The following CR1L variants were observed in gnomAD, a reference collection of about 807,000 sequenced individuals.
The protein encoded by CR1L is complement component receptor 1-like protein.
Under a neutral mutation model 62.3 loss-of-function variants are expected in CR1L, and 59 were observed. That is an observed-to-expected ratio of 0.95 (90% CI 0.77 to 1.18). The LOEUF is 1.18. CR1L is among the 50% of genes most tolerant of loss of function. The probability of loss-of-function intolerance (pLI) is 0.00; values close to 1 mark genes in which losing one functional copy is unlikely to be tolerated. For missense variants in CR1L, 700 were observed against 702.8 expected (o/e 1.00, Z 0.04); for synonymous variants, 279 against 248.7 (o/e 1.12, Z -1.15).
chr1:207,698,390 T>C (rs574808657), intron 7 of CR1L, among the ~76,000 whole-genome samples: 1 of 152,350 alleles, frequency 6.6e-6, no homozygotes, highest in Admixed American at 6.5e-5. Context: ...GTCTGGCTAG[T>C]CATGGGCTCT....
At chr1:207,702,186 T>G (rs1487045498) in intron 9 of CR1L, among the ~76,000 whole-genome samples, 5 of 152,206 alleles carry the variant, frequency 3.3e-5, no homozygotes, top group African/African-American at 1.2e-4. Context: ...GAGGTTTTCA[T>G]TATTATCATG....
At chr1:207,661,467 C>G (rs1303877697) in intron 1 of CR1L, among the ~76,000 whole-genome samples, 2 of 151,910 alleles carry the variant, frequency 1.3e-5, no homozygotes, top group African/African-American at 4.8e-5. Context: ...GGATTGCAAC[C>G]CCTGCCTTTT....
intron 1 of CR1L, chr1:207,669,537 G>A (rs1663576624): frequency 5.1e-6 from 8 of 1,573,428 alleles, no homozygotes; most frequent in Non-Finnish European, 6.9e-6. Context: ...TGGCGGTCGT[G>A]GTGCTGCTCG....
intron 1 of CR1L, chr1:207,653,250 CT>C (rs1663256923): frequency 6.5e-6 from 1 of 154,694 alleles, no homozygotes; most frequent in South Asian, 2.0e-4. Flanking sequence ...TGCTTCTCTT[CT>C]TAAGCTTTCA....
rs145126523 is a variant in CR1L at position 207,714,107 on chromosome 1, G to A, written c.1415-3357G>A. On this transcript the variant is annotated intron_variant, in intron 10 of 11. Transcript: ENST00000508064. ...TGCTGACAATAGAAGGGTGAGGAGG[G>A]TGGAGAAGAGTTTTATTGAGTGACA... Among the ~76,000 whole-genome samples, 10 of 152,338 alleles carry A rather than the reference G, an allele frequency of 6.6e-5. No individual in the cohort carries two copies. In the East Asian group the frequency reaches 1.2e-3, roughly 18 times the overall value.
intron 7 of CR1L, among the ~76,000 whole-genome samples, chr1:207,698,454 T>G (rs1664141765): frequency 6.6e-6 from 1 of 152,160 alleles, no homozygotes; most frequent in African/African-American, 2.4e-5. Context: ...GCAAGGTCAT[T>G]ACCTTGTTTA....
intron 1 of CR1L, among the ~76,000 whole-genome samples, chr1:207,647,836 T>C (rs1663154800): frequency 6.6e-6 from 1 of 152,184 alleles, no homozygotes; most frequent in Non-Finnish European, 1.5e-5. Context: ...CACTGATCAT[T>C]AAAACGTTCA....
intron 1 of CR1L, among the ~76,000 whole-genome samples, chr1:207,666,027 C>T (rs1663517548): frequency 1.3e-5 from 2 of 152,174 alleles, no homozygotes; most frequent in Admixed American, 6.5e-5. Flanking sequence ...ATCTTTACTC[C>T]ATGATGAATC....
intron 3 of CR1L, among the ~76,000 whole-genome samples, chr1:207,681,488 A>C (rs1663798462): frequency 6.6e-6 from 1 of 152,236 alleles, no homozygotes; most frequent in South Asian, 2.1e-4. Context: ...AGAAAAGTTC[A>C]AACCATTATT....
At chr1:207,719,853 T>C (rs1039296367) in intron 11 of CR1L, among the ~76,000 whole-genome samples, 1 of 152,226 alleles carries the variant, frequency 6.6e-6, no homozygotes, top group African/African-American at 2.4e-5. Context: ...TTAGGTAACT[T>C]GCACAAGACC....
chr1:207,701,462 G>C (rs562435792), intron 8 of CR1L, 57 bp from the exon 9 acceptor site: 1 of 1,599,782 alleles, frequency 6.3e-7, no homozygotes, highest in Admixed American at 1.7e-5. Flanking sequence ...GAGACCTTAC[G>C]TACTGAAGAG....
At chr1:207,710,863 G>A (rs1571535006) in intron 10 of CR1L, 2 of 1,334,312 alleles carry the variant, frequency 1.5e-6, no homozygotes, top group Non-Finnish European at 2.1e-6. Context: ...ATTTGTTTAG[G>A]GGGAGGGATG....
intron 11 of CR1L, among the ~76,000 whole-genome samples, chr1:207,723,317 C>G (rs1054339403): frequency 6.6e-6 from 1 of 151,466 alleles, no homozygotes; most frequent in Non-Finnish European, 1.5e-5. Flanking sequence ...GTTTTCCCAG[C>G]TACACAGGAG....
chr1:207,705,494 G>A (rs1664252853), intron 9 of CR1L, among the ~76,000 whole-genome samples: 1 of 152,194 alleles, frequency 6.6e-6, no homozygotes, highest in Non-Finnish European at 1.5e-5. Context: ...AGCTAAGCCA[G>A]GTAGTGAGTA....
chr1:207,663,295 A>T (rs1663454489), intron 1 of CR1L, among the ~76,000 whole-genome samples: 1 of 152,220 alleles, frequency 6.6e-6, no homozygotes, highest in African/African-American at 2.4e-5. Flanking sequence ...GGCTCCACCC[A>T]GTTCGAGCTT....
At chr1:207,723,242 C>T (rs1654177228) in intron 11 of CR1L, among the ~76,000 whole-genome samples, 2 of 152,062 alleles carry the variant, frequency 1.3e-5, no homozygotes, top group Non-Finnish European at 1.5e-5. Context: ...CCATCCTGGC[C>T]AACATGGTGA....
intron 1 of CR1L, chr1:207,652,515 T>C: frequency 8.3e-7 from 1 of 1,207,908 alleles, no homozygotes. Context: ...TATCAGTACT[T>C]CATCTTCATG....
intron 9 of CR1L, among the ~76,000 whole-genome samples, chr1:207,702,967 C>T (rs1017553499): frequency 7.9e-5 from 12 of 152,242 alleles, no homozygotes; most frequent in Admixed American, 7.2e-4. Context: ...GCCTGTAGTT[C>T]CAGCTACTCG....
intron 4 of CR1L, among the ~76,000 whole-genome samples, chr1:207,684,225 G>T (rs1046622119): frequency 1.3e-5 from 2 of 152,064 alleles, no homozygotes; most frequent in African/African-American, 4.8e-5. Flanking sequence ...TTGAAATTAT[G>T]TTGGTTCTAC....
Sources: allele counts gnomAD v4.1 joint callset (sites outside exome capture counted in the v4.1 genomes callset), GRCh38; gene constraint gnomAD v4.1.1; transcripts MANE v1.5; gene names NCBI Gene and HGNC (gene_info 2026-07-23, HGNC 2026-07-21).